The following HYCC2 variants were observed in gnomAD, a reference collection of about 807,000 sequenced individuals.
HYCC2 encodes the protein hyccin PI4KA lipid kinase complex subunit 2, also known as hyccin 2.
chr2:201,013,523 T>A, the HYCC2 span, among the ~76,000 whole-genome samples: 4,429 of 149,580 alleles, frequency 0.03, 109 homozygotes, highest in Middle Eastern at 0.092. Flanking sequence ...ATAATCATCA[T>A]CACCAAACAC....
At chr2:201,069,543 AACACAC>A in the HYCC2 span, among the ~76,000 whole-genome samples, 30,101 of 143,404 alleles carry the variant, frequency 0.21, 3,326 homozygotes, top group Non-Finnish European at 0.26. Context: ...CATAAGAAGA[AACACAC>A]ACACACACAC....
At chr2:201,017,093 C>A in the HYCC2 span, 2 of 1,614,068 alleles carry the variant, frequency 1.2e-6, no homozygotes, top group Non-Finnish European at 8.5e-7. Flanking sequence ...CTGGCAAGAA[C>A]TGCAGTGTGA....
chr2:201,040,815 AG>A, the HYCC2 span, among the ~76,000 whole-genome samples: 3 of 152,186 alleles, frequency 2.0e-5, no homozygotes, highest in East Asian at 5.8e-4. Flanking sequence ...AATCTGTTGC[AG>A]AAAAACCTCA....
the HYCC2 span, chr2:201,011,315 T>C: frequency 1.2e-6 from 1 of 805,610 alleles, no homozygotes; most frequent in Non-Finnish European, 1.9e-6. Context: ...GGAATATTTA[T>C]CTCTGATAAG....
chr2:201,033,159 ATGTGTGTGTGTG>A, the HYCC2 span, among the ~76,000 whole-genome samples: 8 of 117,894 alleles, frequency 6.8e-5, no homozygotes, highest in East Asian at 7.2e-4. Context: ...ATGTGTGTGT[ATGTGTGTGTGTG>A]TGTGTGTGTG....
chr2:200,978,678 T>C, the HYCC2 span: 2 of 152,028 alleles, frequency 1.3e-5, no homozygotes, highest in Non-Finnish European at 2.9e-5. Context: ...GGTTTCACCA[T>C]GTTGGCCAGG....
the HYCC2 span, among the ~76,000 whole-genome samples, chr2:201,061,132 A>G: frequency 6.6e-6 from 1 of 152,134 alleles, no homozygotes; most frequent in Admixed American, 6.5e-5. Context: ...AACTTGTTCA[A>G]ATTAAAAAAA....
chr2:200,990,897 G>A, the HYCC2 span, among the ~76,000 whole-genome samples: 1 of 151,286 alleles, frequency 6.6e-6, no homozygotes, highest in Non-Finnish European at 1.5e-5. Context: ...TTGTAGAGAC[G>A]GGGTTTTGCC....
chr2:201,003,089 T>G, the HYCC2 span, among the ~76,000 whole-genome samples: 1 of 152,028 alleles, frequency 6.6e-6, no homozygotes, highest in Non-Finnish European at 1.5e-5. Context: ...TTTTAAGAGA[T>G]TGGGTCTCGC....
At chr2:201,000,280 T>C in the HYCC2 span, among the ~76,000 whole-genome samples, 1 of 151,520 alleles carries the variant, frequency 6.6e-6, no homozygotes, top group Non-Finnish European at 1.5e-5. Flanking sequence ...GCAGGAGTAC[T>C]TGAGCTCAGG....
the HYCC2 span, chr2:201,067,316 C>G: frequency 6.6e-6 from 1 of 152,336 alleles, no homozygotes; most frequent in Non-Finnish European, 1.5e-5. Context: ...AAATTTGATT[C>G]TAACACTGTT....
At chr2:200,997,458 G>A in the HYCC2 span, 194 of 1,606,224 alleles carry the variant, frequency 1.2e-4, 1 homozygote, top group Middle Eastern at 1.6e-4. Flanking sequence ...GAACCCATCC[G>A]ACAAAGAGAT....
the HYCC2 span, among the ~76,000 whole-genome samples, chr2:201,043,404 G>T: frequency 2.0e-5 from 2 of 102,068 alleles, no homozygotes; most frequent in Admixed American, 2.2e-4. Context: ...TCCTCTCCGA[G>T]AAACACCCAA....
chr2:201,065,667 G>A, the HYCC2 span, among the ~76,000 whole-genome samples: 1 of 152,226 alleles, frequency 6.6e-6, no homozygotes, highest in Non-Finnish European at 1.5e-5. Context: ...CTCAGATGAA[G>A]CGTAAGGGTT....
At chr2:201,051,359 C>T in the HYCC2 span, among the ~76,000 whole-genome samples, 1 of 151,878 alleles carries the variant, frequency 6.6e-6, no homozygotes, top group African/African-American at 2.4e-5. Flanking sequence ...ACTGGAAGGC[C>T]TAGCTAGTAC....
chr2:201,005,932 C>G, the HYCC2 span, among the ~76,000 whole-genome samples: 7 of 151,816 alleles, frequency 4.6e-5, no homozygotes, highest in African/African-American at 1.7e-4. Flanking sequence ...TCCCCGGGTT[C>G]AAGCGATTCT....
the HYCC2 span, among the ~76,000 whole-genome samples, chr2:201,049,505 C>G: frequency 6.6e-6 from 1 of 151,502 alleles, no homozygotes. Flanking sequence ...CGCGTGCCAC[C>G]ACCCCGGTTT....
At chr2:201,054,411 G>A in the HYCC2 span, among the ~76,000 whole-genome samples, 1 of 152,306 alleles carries the variant, frequency 6.6e-6, no homozygotes, top group East Asian at 1.9e-4. Flanking sequence ...GAATGGTCTT[G>A]AGGGACCCTC....
At chr2:201,052,532 T>C in the HYCC2 span, among the ~76,000 whole-genome samples, 1 of 151,262 alleles carries the variant, frequency 6.6e-6, no homozygotes, top group African/African-American at 2.4e-5. Flanking sequence ...CACTTGAACC[T>C]GGGAGGTTGA....
Sources: allele counts gnomAD v4.1 joint callset (sites outside exome capture counted in the v4.1 genomes callset), GRCh38; gene constraint gnomAD v4.1.1; transcripts MANE v1.5; gene names NCBI Gene and HGNC (gene_info 2026-07-23, HGNC 2026-07-21).